TRIM16: variants seen among roughly 807,000 people sequenced by gnomAD.
TRIM16 encodes tripartite motif-containing protein 16.
In TRIM16, 33 loss-of-function variants were observed where a neutral mutation model predicts 50.4. The ratio of observed to expected loss-of-function variants is 0.65; its 90% CI spans 0.50 to 0.88. The LOEUF is 0.88. Ranked by LOEUF, TRIM16 falls within the 40% of genes least tolerant of loss-of-function variation. The pLI, the probability that TRIM16 is intolerant of heterozygous loss-of-function variation, is 0.00. For synonymous variants in TRIM16, 229 were observed against 270.7 expected (o/e 0.85, Z 1.51); for missense variants, 581 against 686.8 (o/e 0.85, Z 1.72).
intron 6 of TRIM16, among the ~76,000 whole-genome samples, chr17:15,656,746 G>A (rs1027254304): frequency 6.6e-6 from 1 of 151,980 alleles, no homozygotes; most frequent in African/African-American, 2.4e-5. Flanking sequence ...TTTTTATTTG[G>A]TTGGTTTGGT....
intron 7 of TRIM16, among the ~76,000 whole-genome samples, chr17:15,645,280 T>C (rs1353490867): frequency 6.6e-6 from 1 of 152,176 alleles, no homozygotes; most frequent in Non-Finnish European, 1.5e-5. Flanking sequence ...ATGAGCTCCA[T>C]AAATGTCAGT....
Position 15,638,063 on chromosome 17 carries a change from A to G in TRIM16, c.616-1794T>C, listed in dbSNP as rs1247668800. 2.2e-4 allele frequency among the ~76,000 whole-genome samples: 29 copies of G among 129,466 alleles called. 3 individuals are homozygous for G. Among genetic ancestry groups the G allele is most frequent in the African/African-American group, 8.6e-4 (28 of 32,686 alleles). 84.9% of individuals were successfully genotyped at this position (129,466 alleles called of 152,430 possible). Reference sequence around the variant, plus strand: ...GCTTGAAGGCAGCATGCTCGTTAAGAGTCATCACCACTCCCTAATCTCAAG... The same window carrying G: ...GCTTGAAGGCAGCATGCTCGTTAAGGGTCATCACCACTCCCTAATCTCAAG... On this transcript the variant is annotated intron_variant, in intron 8 of 11. Transcript: ENST00000649191.
At chr17:15,660,267 G>A (rs879332224) in intron 6 of TRIM16, among the ~76,000 whole-genome samples, 21 of 152,096 alleles carry the variant, frequency 1.4e-4, no homozygotes, top group Non-Finnish European at 3.1e-4. Flanking sequence ...CCCCTCCCTC[G>A]ATTGCTGTGG....
At chr17:15,671,933 T>A (rs1206358143) in intron 6 of TRIM16, among the ~76,000 whole-genome samples, 1 of 151,984 alleles carries the variant, frequency 6.6e-6, no homozygotes, top group African/African-American at 2.4e-5. Flanking sequence ...ATGAAAAGAG[T>A]GATAACGTGA....
intron 9 of TRIM16, among the ~76,000 whole-genome samples, chr17:15,633,540 CTTT>C (rs555202357): frequency 3.9e-5 from 5 of 128,678 alleles, no homozygotes; most frequent in African/African-American, 2.9e-5. Context: ...AAATAAATAT[CTTT>C]TTTTTTTTTT....
intron 6 of TRIM16, among the ~76,000 whole-genome samples, chr17:15,671,443 ATATAAG>A (rs1325056851): frequency 6.6e-5 from 10 of 151,304 alleles, no homozygotes; most frequent in Non-Finnish European, 1.0e-4. Flanking sequence ...GTTAAGTAAA[ATATAAG>A]TATGAGATGA....
At chr17:15,633,540 CTTTTT>C (rs555202357) in intron 9 of TRIM16, among the ~76,000 whole-genome samples, 1 of 128,690 alleles carries the variant, frequency 7.8e-6, no homozygotes, top group African/African-American at 2.9e-5. Context: ...AAATAAATAT[CTTTTT>C]TTTTTTTTTT....
chr17:15,647,068 G>T (rs1480396596), intron 7 of TRIM16, among the ~76,000 whole-genome samples: 1 of 151,484 alleles, frequency 6.6e-6, no homozygotes, highest in African/African-American at 2.4e-5. Context: ...CCAGGTTCAA[G>T]CGATTCTCCT....
chr17:15,679,607 A>G (rs1989092738), intron 4 of TRIM16, among the ~76,000 whole-genome samples: 1 of 152,212 alleles, frequency 6.6e-6, no homozygotes, highest in Non-Finnish European at 1.5e-5. Flanking sequence ...TCTTCAGTTA[A>G]GTTGAGAGAG....
chr17:15,677,342 A>T, intron 5 of TRIM16, 62 bp from the exon 6 acceptor site: 3 of 961,870 alleles, frequency 3.1e-6, no homozygotes, highest in Non-Finnish European at 3.7e-6. Context: ...CTCTATTCTC[A>T]GTCCCACTCT....
intron 7 of TRIM16, among the ~76,000 whole-genome samples, chr17:15,649,787 G>A (rs2150917340): frequency 6.6e-6 from 1 of 152,264 alleles, no homozygotes; most frequent in South Asian, 2.1e-4. Flanking sequence ...TATGAGCTTG[G>A]ACAAGTGTGG....
intron 6 of TRIM16, among the ~76,000 whole-genome samples, chr17:15,656,730 C>T (rs58806844): frequency 0.4 from 60,311 of 151,984 alleles, 14,006 homozygotes; most frequent in African/African-American, 0.65. Flanking sequence ...TGAATGCCTT[C>T]TTTGTTTTTT....
chr17:15,637,157 C>T (rs1203904814), intron 8 of TRIM16, among the ~76,000 whole-genome samples: 1 of 141,116 alleles, frequency 7.1e-6, no homozygotes, highest in Non-Finnish European at 1.5e-5. Flanking sequence ...GCCGCCCCAT[C>T]CGGGAGGGAG....
chr17:15,666,025 T>C (rs1988483572), intron 6 of TRIM16, among the ~76,000 whole-genome samples: 1 of 152,136 alleles, frequency 6.6e-6, no homozygotes, highest in Non-Finnish European at 1.5e-5. Flanking sequence ...CCTCCTCTCT[T>C]TCCGTCACAA....
intron 6 of TRIM16, among the ~76,000 whole-genome samples, chr17:15,672,971 T>C (rs1440319984): frequency 2.0e-5 from 3 of 152,220 alleles, no homozygotes; most frequent in Non-Finnish European, 4.4e-5. Flanking sequence ...TTCACTATAG[T>C]ACAATCCACG....
At chr17:15,666,063 A>C (rs1988486019) in intron 6 of TRIM16, among the ~76,000 whole-genome samples, 1 of 152,016 alleles carries the variant, frequency 6.6e-6, no homozygotes, top group Non-Finnish European at 1.5e-5. Flanking sequence ...ACCATTTTAC[A>C]TCTCACACAT....
At chr17:15,673,234 CA>C (rs1988793097) in intron 6 of TRIM16, among the ~76,000 whole-genome samples, 1 of 152,202 alleles carries the variant, frequency 6.6e-6, no homozygotes, top group Non-Finnish European at 1.5e-5. Flanking sequence ...CACCCCTTTT[CA>C]ATTTCTTAAA....
At chr17:15,656,646 CAGA>C (rs1426076154) in intron 6 of TRIM16, among the ~76,000 whole-genome samples, 1 of 152,176 alleles carries the variant, frequency 6.6e-6, no homozygotes, top group Admixed American at 6.5e-5. Flanking sequence ...CCCTTAGTGA[CAGA>C]AGATTTAACG....
Position 15,671,612 on chromosome 17 carries a change from T to C in TRIM16, c.-338+5564A>G, listed in dbSNP as rs116187295. Among the ~76,000 whole-genome samples, 1,315 of 152,116 alleles carry C rather than the reference T, an allele frequency of 8.6e-3. 21 individuals are homozygous for C. Among genetic ancestry groups the C allele is most frequent in the African/African-American group, 0.03 (1,254 of 41,468 alleles). ...CATTGAAAAACTCTATTTCACGTGA[T>C]TTTTTTAACCGTATGCAAGTATTAT... is the stretch of plus-strand genomic sequence containing the variant. On this transcript the variant is annotated intron_variant, in intron 6 of 11. Coordinates refer to ENST00000649191, the MANE Select transcript of TRIM16 (RefSeq NM_001348119.1).
Sources: gnomAD v4.1 joint callset for allele counts (sites outside exome capture counted in the v4.1 genomes callset) on GRCh38, gnomAD v4.1.1 for gene constraint, MANE v1.5 for transcripts, NCBI Gene and HGNC (gene_info 2026-07-23, HGNC 2026-07-21) for gene names.